BLNK: variants seen among roughly 807,000 people sequenced by gnomAD.
BLNK encodes the protein B cell linker.
In BLNK, 29 loss-of-function variants were observed where a neutral mutation model predicts 73.5. That is an observed-to-expected ratio of 0.39 (90% CI 0.29 to 0.54). The LOEUF (loss-of-function observed/expected upper bound fraction) is 0.54. Ranked by LOEUF, BLNK falls within the 20% of genes least tolerant of loss-of-function variation. The pLI, the probability that BLNK is intolerant of heterozygous loss-of-function variation, is 0.61. For synonymous variants in BLNK, 176 were observed against 200.8 expected, an observed-to-expected ratio of 0.88 and a Z score of 1.04; for missense variants, 460 against 562.8, an observed-to-expected ratio of 0.82 and a Z score of 1.85.
chr10:96,230,058 G>A (rs183963311), intron 4 of BLNK, among the ~76,000 whole-genome samples: 3 of 152,328 alleles, frequency 2.0e-5, no homozygotes, highest in Admixed American at 1.3e-4. Context: ...AAAACTCACA[G>A]GTTGGAGCAG....
At chr10:96,216,103 C>T (rs587677359) in intron 7 of BLNK, 34 of 175,004 alleles carry the variant, frequency 1.9e-4, no homozygotes, top group African/African-American at 7.1e-4. Context: ...TCAGAGTAAA[C>T]ATACCCTGTT....
Position 96,271,439 on chromosome 10 carries a change from G to T in BLNK, c.-41C>A. 1 of 1,604,074 alleles carries T rather than the reference G, an allele frequency of 6.2e-7. No individual in the cohort carries two copies. Among genetic ancestry groups the T allele is most frequent in the Non-Finnish European group, 8.5e-7 (1 of 1,170,894 alleles). On this transcript the variant is annotated 5_prime_UTR_variant, in exon 1 of 17. Coordinates refer to ENST00000224337, the MANE Select transcript of BLNK (RefSeq NM_013314.4). ...TAAGAGACACGAATAACTGTCCAGT[G>T]GTCACGTCAGCAGTTCCTGGCCCTC...
intron 5 of BLNK, among the ~76,000 whole-genome samples, chr10:96,225,335 C>T (rs952353057): frequency 1.3e-5 from 2 of 152,206 alleles, no homozygotes; most frequent in South Asian, 2.1e-4. Context: ...CCACCTCGCC[C>T]GGTGCAGCTG....
At position 96,214,805 on chromosome 10, in the gene BLNK, C is replaced by T. The variant is rs1437070108; in HGVS notation, c.676+516G>A. 3.3e-5 allele frequency among the ~76,000 whole-genome samples: 5 copies of T among 152,300 alleles called. No individual in the cohort carries two copies. The East Asian group carries it at 9.6e-4, about 29-fold the overall frequency. ...TCCTCAGCACTTAGTGTGTACCAGG[C>T]ACTCATTAAGAGTTTCGCATTCACA... On this transcript the variant is annotated intron_variant, in intron 8 of 16. Coordinates refer to ENST00000224337, the MANE Select transcript of BLNK (RefSeq NM_013314.4).
intron 13 of BLNK, among the ~76,000 whole-genome samples, chr10:96,202,619 G>A (rs1382323753): frequency 6.6e-6 from 1 of 152,118 alleles, no homozygotes; most frequent in Non-Finnish European, 1.5e-5. Flanking sequence ...AGAGGAGGGG[G>A]CAGTGAGGGC....
chr10:96,231,797 A>G (rs1842510302), intron 3 of BLNK, among the ~76,000 whole-genome samples: 1 of 151,648 alleles, frequency 6.6e-6, no homozygotes, highest in South Asian at 2.1e-4. Flanking sequence ...GATAAGTCAC[A>G]TGCCCAAGGT....
intron 3 of BLNK, among the ~76,000 whole-genome samples, chr10:96,233,098 A>G (rs1842567667): frequency 6.6e-6 from 1 of 152,182 alleles, no homozygotes. Context: ...AAGCCACTGC[A>G]TCTGGTCAAT....
chr10:96,219,236 C>T (rs2084138869), intron 6 of BLNK, among the ~76,000 whole-genome samples: 1 of 152,210 alleles, frequency 6.6e-6, no homozygotes, highest in Admixed American at 6.5e-5. Flanking sequence ...TTGCCTAACC[C>T]AATAGCCAAG....
intron 10 of BLNK, 43 bp downstream of exon 10, chr10:96,207,829 C>T (rs984405853): frequency 1.4e-5 from 23 of 1,608,276 alleles, no homozygotes; most frequent in Admixed American, 5.0e-5. Flanking sequence ...AGAATAAACA[C>T]TGCAGGAAAT....
intron 2 of BLNK, among the ~76,000 whole-genome samples, chr10:96,244,451 G>A (rs1277122986): frequency 8.5e-5 from 13 of 152,210 alleles, no homozygotes; most frequent in African/African-American, 4.8e-5. Context: ...AATAAAAGGC[G>A]TAGTTGAACT....
chr10:96,204,057 T>G lies in BLNK; in HGVS notation c.934A>C (p.Arg312=). ...QIHQKPIPLP[R]FTEGGNPTVD... ...CACTACATGGCTTCGTTGTACTTAC[T>G]TGGCAGAGGTATGGGTTTTTGGTGG... is the stretch of plus-strand genomic sequence containing the variant. The change falls in exon 13 of 17, where the codon AGA becomes CGA. Residue 312 remains arginine, a splice_region_variant and synonymous_variant. Transcript: ENST00000224337. The G allele has an allele frequency of 6.2e-7, 1 of 1,613,430 alleles. No individual in the cohort carries two copies.
Position 96,227,523 on chromosome 10 carries a change from ATC to A in BLNK, c.246_247del (p.Glu82AspfsTer11). ...GTTCTCCTCGGCGGGCATCACGTAC[ATC>A]TCTGAGTCCGAGTGCTCATCTGGAT... On this transcript the variant is annotated frameshift_variant, in exon 5 of 17. Coordinates refer to ENST00000224337, the MANE Select transcript of BLNK (RefSeq NM_013314.4). LOFTEE classifies it high-confidence loss of function. The A allele has an allele frequency of 6.2e-7, 1 of 1,614,204 alleles. No individual in the cohort carries two copies. The highest frequency in any genetic ancestry group is 8.5e-7 in the Non-Finnish European group (1 of 1,180,042).
chr10:96,268,104 G>A (rs746835105), intron 1 of BLNK, among the ~76,000 whole-genome samples: 7 of 152,256 alleles, frequency 4.6e-5, no homozygotes, highest in Non-Finnish European at 7.4e-5. Context: ...GGGGAGACCC[G>A]ATTTGACCAC....
intron 4 of BLNK, among the ~76,000 whole-genome samples, chr10:96,230,477 T>C (rs1180204030): frequency 1.3e-5 from 2 of 152,198 alleles, no homozygotes; most frequent in African/African-American, 4.8e-5. Context: ...TGCTAACTGA[T>C]ATGGAAACAT....
chr10:96,199,382 C>A, intron 15 of BLNK: 1 of 301,842 alleles, frequency 3.3e-6, no homozygotes, highest in South Asian at 2.8e-5. Context: ...TGTTTGCCAT[C>A]TTGACTCAAA....
At chr10:96,251,514 A>T (rs934043484) in intron 1 of BLNK, among the ~76,000 whole-genome samples, 2 of 152,222 alleles carry the variant, frequency 1.3e-5, no homozygotes, top group African/African-American at 4.8e-5. Context: ...TCATTCAGAG[A>T]TATCCTTCCA....
At chr10:96,253,511 C>T (rs782293032) in intron 1 of BLNK, among the ~76,000 whole-genome samples, 1 of 152,156 alleles carries the variant, frequency 6.6e-6, no homozygotes, top group African/African-American at 2.4e-5. Context: ...TCTTCAAACC[C>T]AGCCTCTCTT....
At chr10:96,241,117 G>A (rs1036574718) in intron 3 of BLNK, among the ~76,000 whole-genome samples, 3 of 152,210 alleles carry the variant, frequency 2.0e-5, no homozygotes, top group African/African-American at 7.2e-5. Flanking sequence ...CCAGACTTGG[G>A]CAGGTTGGTC....
In BLNK at chr10:96,191,841, T is replaced by A; in HGVS notation, c.*132A>T. 8.0e-7 allele frequency: 1 copy of A among 1,252,062 alleles called. No homozygotes were observed. Among genetic ancestry groups the A allele is most frequent in the Non-Finnish European group, 1.2e-6 (1 of 868,084 alleles). The allele number at this position is 1,252,062 out of a possible 1,614,324, so 77.6% of individuals were successfully genotyped here. On this transcript the variant is annotated 3_prime_UTR_variant, in exon 17 of 17. Transcript: ENST00000224337. ...AAAAAGAAATGGATGACCACTTCAA[T>A]AGCTGACTCCATCTTCCATTTTATT...
Sources: gnomAD v4.1 joint callset for allele counts (sites outside exome capture counted in the v4.1 genomes callset) on GRCh38, gnomAD v4.1.1 for gene constraint, MANE v1.5 for transcripts, NCBI Gene and HGNC (gene_info 2026-07-23, HGNC 2026-07-21) for gene names.